Variants in SPSB1 observed in about 807,000 individuals in gnomAD.
The protein encoded by SPSB1 is splA/ryanodine receptor domain and SOCS box containing 1.
In SPSB1, 8 loss-of-function variants were observed where a neutral mutation model predicts 21.2. The ratio of observed to expected loss-of-function variants is 0.38; its 90% CI spans 0.22 to 0.68. The LOEUF (loss-of-function observed/expected upper bound fraction) is 0.68, where lower values mean the gene tolerates loss of function less well. SPSB1 is among the 30% of genes least tolerant of loss of function. The pLI is 0.53. For missense variants in SPSB1, 242 were observed against 377.8 expected (o/e 0.64, Z 2.98); for synonymous variants, 169 against 161.7 (o/e 1.05, Z -0.34).
rs1640508281 is a variant in SPSB1 at position 9,363,296 on chromosome 1, C to G, written c.695-4152C>G. ...CCATTCACAGGATGCCTGGGTGACT[C>G]TGGTCCTATTTTCAGCTCATAACAC... On this transcript the variant is annotated intron_variant, in intron 2 of 2. Transcript: ENST00000328089. The surrounding 1 kb of genome is among the most constrained non-coding windows in gnomAD (Gnocchi z 4.5). 6.6e-6 allele frequency among the ~76,000 whole-genome samples: 1 copy of G among 152,128 alleles called. No homozygotes were observed. The highest frequency in any genetic ancestry group is 1.5e-5 in the Non-Finnish European group (1 of 68,028).
intron 1 of SPSB1, among the ~76,000 whole-genome samples, chr1:9,335,577 G>T (rs1353804459): frequency 6.6e-6 from 1 of 152,100 alleles, no homozygotes; most frequent in Non-Finnish European, 1.5e-5. Context: ...GGGATTCCAA[G>T]GTGGGAGGGT....
At chr1:9,306,343 A>T (rs116533116) in intron 1 of SPSB1, among the ~76,000 whole-genome samples, 83 of 152,274 alleles carry the variant, frequency 5.5e-4, no homozygotes, top group Non-Finnish European at 1.0e-3. Flanking sequence ...AGTGGGAGGG[A>T]TAACCAGTTT....
rs377243114 is a variant in SPSB1, at chr1:9,367,630, G to A, written c.*55G>A. On this transcript the variant is annotated 3_prime_UTR_variant, in exon 3 of 3. Coordinates refer to ENST00000328089, the MANE Select transcript of SPSB1 (RefSeq NM_025106.4). The surrounding 1 kb of genome is among the most constrained non-coding windows in gnomAD (Gnocchi z 5.9). The stretch of plus-strand genomic sequence containing the variant: ...CCACCTGGTGCCAACTCACTGAGCC[G>A]CCTGCCGCTGGGGCCGCCGCACCCT... The A allele has an allele frequency of 1.1e-5, 16 of 1,523,734 alleles. No individual in the cohort carries two copies. The highest frequency in any genetic ancestry group is 7.4e-5 in the East Asian group (3 of 40,736). 94.4% of individuals were successfully genotyped at this position (1,523,734 alleles called of 1,614,324 possible). A position where few individuals can be genotyped will look rare whatever the true frequency, so the allele number is the denominator to read the frequency against.
intron 1 of SPSB1, among the ~76,000 whole-genome samples, chr1:9,331,349 A>C (rs1274097808): frequency 9.8e-5 from 2 of 20,472 alleles, no homozygotes; most frequent in African/African-American, 2.3e-4. Flanking sequence ...TTTTTTTTTG[A>C]GGTGGAGTTT....
intron 1 of SPSB1, among the ~76,000 whole-genome samples, chr1:9,301,594 G>A (rs1639330762): frequency 6.6e-6 from 1 of 152,208 alleles, no homozygotes; most frequent in Non-Finnish European, 1.5e-5. Context: ...CAGGACATGA[G>A]GTATGTGGGT....
At chr1:9,298,848 G>A (rs1259952515) in intron 1 of SPSB1, among the ~76,000 whole-genome samples, 3 of 152,214 alleles carry the variant, frequency 2.0e-5, no homozygotes, top group Non-Finnish European at 4.4e-5. Context: ...TCCACACACT[G>A]GTTCCCTGCC....
chr1:9,337,297 G>A (rs566763773), intron 1 of SPSB1, among the ~76,000 whole-genome samples: 1 of 152,220 alleles, frequency 6.6e-6, no homozygotes, highest in African/African-American at 2.4e-5. Flanking sequence ...ACAAGAGTTG[G>A]CCCTGAAGTC....
At chr1:9,310,491 C>A (rs1294053) in intron 1 of SPSB1, among the ~76,000 whole-genome samples, 86,910 of 151,904 alleles carry the variant, frequency 0.57, 25,821 homozygotes, top group Middle Eastern at 0.7. Context: ...CCTGGAGTTC[C>A]TGACCAGCCT....
In SPSB1 at chr1:9,345,618, CT is replaced by C. The variant is rs1449717594; in HGVS notation, c.-149-10124del. 6.6e-6 allele frequency among the ~76,000 whole-genome samples: 1 copy of C among 152,192 alleles called. No individual in the cohort carries two copies. The highest frequency in any genetic ancestry group is 1.9e-4 in the East Asian group (1 of 5,190). On this transcript the variant is annotated intron_variant, in intron 1 of 2. Transcript: ENST00000328089. This position sits in a 1 kb window ranked among gnomAD's most constrained non-coding sequence, Gnocchi z 4.8. ...GCTGCGATATATTGTAATTTTCAGT[CT>C]GTTTGACTATCATGCTGGTTTCCCA...
In SPSB1 at chr1:9,368,534, C is replaced by G. The variant is rs375019976; in HGVS notation, c.*959C>G. ...ACCAGCTAACTCTTGGGCTCAGGCA[C>G]CCTTGCACAGGGTTGCATTTCTTTA... On this transcript the variant is annotated 3_prime_UTR_variant, in exon 3 of 3. Coordinates refer to ENST00000328089, the MANE Select transcript of SPSB1 (RefSeq NM_025106.4). 1.1e-3 allele frequency: 172 copies of G among 152,320 alleles called. No individual in the cohort carries two copies. Among genetic ancestry groups the G allele is most frequent in the African/African-American group, 4.0e-3 (167 of 41,554 alleles). 9.4% of individuals were successfully genotyped at this position (152,320 alleles called of 1,614,324 possible).
intron 2 of SPSB1, among the ~76,000 whole-genome samples, chr1:9,361,156 C>CCTTTTTTTTTTTTCTTTTTT (rs1553128958): frequency 6.8e-5 from 7 of 102,570 alleles, no homozygotes; most frequent in African/African-American, 2.9e-4. Context: ...CTGTCATTTT[C>CCTTTTTTTTTTTTCTTTTTT]TTTTTTTTTT....
chr1:9,296,581 T>C (rs550085751), intron 1 of SPSB1, among the ~76,000 whole-genome samples: 14 of 56,110 alleles, frequency 2.5e-4, no homozygotes, highest in African/African-American at 6.8e-4. Context: ...ACAGAAGATG[T>C]GCACATGTGT....
In SPSB1 at chr1:9,356,377, A is replaced by C. The variant is rs1640362821; in HGVS notation, c.486A>C (p.Pro162=). 9.3e-6 allele frequency: 15 copies of C among 1,614,156 alleles called. No individual in the cohort carries two copies. The highest frequency in any genetic ancestry group is 1.3e-5 in the Non-Finnish European group (15 of 1,180,030). ...DGKNQPSKTY[P]AFLEPDETFI... is the part of the protein sequence containing the mutation. ...AGAACCAGCCAAGCAAAACATACCC[A>C]GCCTTTCTGGAACCAGATGAGACAT... The change falls in exon 2 of 3, where the codon CCA becomes CCC. Residue 162 remains proline (P), a synonymous_variant. Coordinates refer to ENST00000328089, the MANE Select transcript of SPSB1 (RefSeq NM_025106.4). This position sits in a 1 kb window ranked among gnomAD's most constrained non-coding sequence, Gnocchi z 7.4.
intron 1 of SPSB1, among the ~76,000 whole-genome samples, chr1:9,331,244 G>A (rs549290618): frequency 4.7e-5 from 7 of 148,280 alleles, no homozygotes; most frequent in African/African-American, 1.5e-4. Flanking sequence ...CTGTGCACTC[G>A]ATTTGGAGTG....
At chr1:9,337,256 A>G (rs761856094) in intron 1 of SPSB1, among the ~76,000 whole-genome samples, 2 of 152,066 alleles carry the variant, frequency 1.3e-5, no homozygotes, top group African/African-American at 4.8e-5. Flanking sequence ...CTCCAGCTCA[A>G]TGGCCTTCCC....
chr1:9,349,519 G>T (rs1315364264), intron 1 of SPSB1, among the ~76,000 whole-genome samples: 1 of 152,264 alleles, frequency 6.6e-6, no homozygotes, highest in South Asian at 2.1e-4. Context: ...CCGTAGATGC[G>T]TGTCAGATTT....
At chr1:9,338,973 G>A (rs57837536) in intron 1 of SPSB1, among the ~76,000 whole-genome samples, 30,050 of 152,184 alleles carry the variant, frequency 0.2, 3,105 homozygotes, top group East Asian at 0.28. Flanking sequence ...GTTCCCAGCA[G>A]TGAGGATCGA....
At chr1:9,318,743 A>G (rs1639655231) in intron 1 of SPSB1, among the ~76,000 whole-genome samples, 2 of 152,218 alleles carry the variant, frequency 1.3e-5, no homozygotes, top group Non-Finnish European at 2.9e-5. Flanking sequence ...CACTCAGATC[A>G]GGGCCTCTGT....
In SPSB1 at chr1:9,345,772, A is replaced by G. The variant is rs1253753947; in HGVS notation, c.-149-9971A>G. On this transcript the variant is annotated intron_variant, in intron 1 of 2. Transcript: ENST00000328089. The surrounding 1 kb of genome is among the most constrained non-coding windows in gnomAD (Gnocchi z 4.8). Reference sequence around the variant, plus strand: ...GGACTAGAGCTCTGGACCGTGTGGGATTTTCTCTCCAAAATCACTTGTCAG... The same window carrying G: ...GGACTAGAGCTCTGGACCGTGTGGGGTTTTCTCTCCAAAATCACTTGTCAG... Among the ~76,000 whole-genome samples the G allele has an allele frequency of 6.6e-6, 1 of 151,828 alleles. No homozygotes were observed. Among genetic ancestry groups the G allele is most frequent in the African/African-American group, 2.4e-5 (1 of 41,278 alleles).
Sources: allele counts gnomAD v4.1 joint callset (sites outside exome capture counted in the v4.1 genomes callset), GRCh38; gene constraint gnomAD v4.1.1; non-coding constraint Gnocchi (gnomAD v3.1); transcripts MANE v1.5; gene names NCBI Gene and HGNC (gene_info 2026-07-23, HGNC 2026-07-21).